The following APPBP2 variants were observed in gnomAD, a reference collection of about 807,000 sequenced individuals.
APPBP2 encodes amyloid protein-binding protein 2.
In APPBP2, 15 loss-of-function variants were observed where a neutral mutation model predicts 76.0. The observed-to-expected ratio is 0.20, with a 90% confidence interval of 0.13 to 0.30. The LOEUF (loss-of-function observed/expected upper bound fraction) is 0.30, where lower values mean the gene tolerates loss of function less well. Among genes scored for constraint, APPBP2 ranks in the 10% least tolerant of loss-of-function variants. APPBP2 has a pLI of 1.00. For missense variants in APPBP2, 401 were observed against 687.2 expected (o/e 0.58, Z 4.66); for synonymous variants, 222 against 242.2 (o/e 0.92, Z 0.77).
chr17:60,454,502 A>G lies in APPBP2; in HGVS notation c.1148-10T>C, dbSNP rs758210513. The G allele has an allele frequency of 3.2e-6, 5 of 1,571,866 alleles. No homozygotes were observed. In the African/African-American group the frequency reaches 5.5e-5, roughly 17 times the overall value. ...TCCTCTAAAATAAGTGCTAAAAAAGAAGGCAATAAATTAGTGTACTTCAAA... is the reference window on the plus strand; with the variant it reads ...TCCTCTAAAATAAGTGCTAAAAAAGGAGGCAATAAATTAGTGTACTTCAAA... On this transcript the variant is annotated splice_polypyrimidine_tract_variant and intron_variant, in intron 10 of 12. Coordinates refer to ENST00000083182, the MANE Select transcript of APPBP2 (RefSeq NM_006380.5).
chr17:60,468,337 A>G (rs182364166), intron 4 of APPBP2: 12 of 152,306 alleles, frequency 7.9e-5, no homozygotes, highest in Admixed American at 2.0e-4. Context: ...GAAAAAAAGG[A>G]TTAGTATTTG....
At chr17:60,513,349 G>A (rs1229360343) in intron 1 of APPBP2, 2 of 613,238 alleles carry the variant, frequency 3.3e-6, no homozygotes, top group Non-Finnish European at 6.0e-6. Flanking sequence ...CCTGAAACTA[G>A]AGGAACAGCT....
intron 1 of APPBP2, among the ~76,000 whole-genome samples, chr17:60,501,123 G>T (rs575313364): frequency 6.6e-6 from 1 of 152,184 alleles, no homozygotes; most frequent in South Asian, 2.1e-4. Flanking sequence ...AGACAGGCCT[G>T]GGCAACATAG....
At chr17:60,512,852 AAAG>A (rs1224936428) in intron 1 of APPBP2, among the ~76,000 whole-genome samples, 62 of 150,494 alleles carry the variant, frequency 4.1e-4, no homozygotes, top group Non-Finnish European at 3.4e-4. Context: ...AAAAAAAAAA[AAAG>A]GAAAGGAAAA....
At chr17:60,512,623 T>G (rs1598374762) in intron 1 of APPBP2, among the ~76,000 whole-genome samples, 1 of 150,344 alleles carries the variant, frequency 6.7e-6, no homozygotes, top group Admixed American at 6.6e-5. Context: ...GATCACGAGG[T>G]CAGAAGTTCA....
At chr17:60,512,832 TAAAAAAA>T (rs770075935) in intron 1 of APPBP2, among the ~76,000 whole-genome samples, 2 of 29,926 alleles carry the variant, frequency 6.7e-5, no homozygotes, top group African/African-American at 1.3e-4. Flanking sequence ...AGACTCCATC[TAAAAAAA>T]AAAAAAAAAA....
At chr17:60,491,569 C>T (rs1391249897) in intron 3 of APPBP2, among the ~76,000 whole-genome samples, 7 of 152,028 alleles carry the variant, frequency 4.6e-5, no homozygotes, top group East Asian at 1.9e-4. Flanking sequence ...CTCAGCCTCC[C>T]GAGTAGCTGA....
intron 10 of APPBP2, 144 bp downstream of exon 10, chr17:60,456,152 G>A (rs753688996): frequency 1.7e-6 from 1 of 596,864 alleles, no homozygotes; most frequent in Non-Finnish European, 2.9e-6. Flanking sequence ...TAGAGTTGTG[G>A]TAAAATGGCT....
chr17:60,456,484 C>A, intron 9 of APPBP2, 103 bp from the exon 10 acceptor site: 2 of 751,072 alleles, frequency 2.7e-6, no homozygotes, highest in Admixed American at 4.7e-5. Flanking sequence ...GAAAGTACTT[C>A]TAAAACTATC....
At chr17:60,489,066 C>A (rs1251340850) in intron 3 of APPBP2, among the ~76,000 whole-genome samples, 2 of 151,510 alleles carry the variant, frequency 1.3e-5, no homozygotes, top group Non-Finnish European at 2.9e-5. Context: ...ACTAAAAATA[C>A]AAAAAATTAG....
At chr17:60,459,338 C>A (rs536114791) in intron 9 of APPBP2, among the ~76,000 whole-genome samples, 1 of 152,222 alleles carries the variant, frequency 6.6e-6, no homozygotes, top group Admixed American at 6.5e-5. Flanking sequence ...GATGCATTAT[C>A]CCTAAACTCA....
chr17:60,460,578 TG>T, intron 9 of APPBP2, 84 bp downstream of exon 9: 29 of 1,296,860 alleles, frequency 2.2e-5, no homozygotes, highest in African/African-American at 3.0e-5. Context: ...CTATTATTAA[TG>T]TAATAATAGT....
chr17:60,518,396 TGTGTAAGA>T (rs2090981410), intron 1 of APPBP2, among the ~76,000 whole-genome samples: 1 of 118,918 alleles, frequency 8.4e-6, no homozygotes, highest in African/African-American at 5.2e-5. Context: ...TGTGTGTGTG[TGTGTAAGA>T]GAGAGAGACA....
At chr17:60,513,366 G>T in intron 1 of APPBP2, 6 of 656,920 alleles carry the variant, frequency 9.1e-6, no homozygotes, top group Non-Finnish European at 1.7e-5. Flanking sequence ...AGCTTATGTG[G>T]TCTATGAAGA....
intron 6 of APPBP2, among the ~76,000 whole-genome samples, 168 bp downstream of exon 6, chr17:60,463,853 G>C (rs572016907): frequency 6.6e-6 from 1 of 152,270 alleles, no homozygotes; most frequent in African/African-American, 2.4e-5. Context: ...GTGTGATATA[G>C]TTTTAGTTAG....
intron 2 of APPBP2, among the ~76,000 whole-genome samples, chr17:60,500,159 T>A (rs540784005): frequency 6.6e-6 from 1 of 151,960 alleles, no homozygotes; most frequent in Non-Finnish European, 1.5e-5. Context: ...CTAAGGCGCC[T>A]ACCACCACGC....
chr17:60,458,232 G>C (rs750906184), intron 9 of APPBP2, among the ~76,000 whole-genome samples: 1 of 152,080 alleles, frequency 6.6e-6, no homozygotes, highest in South Asian at 2.1e-4. Context: ...TCAGGAGATC[G>C]AGACCAGTCT....
In APPBP2 at chr17:60,525,683, C is replaced by T; in HGVS notation, c.138+111G>A. The T allele has an allele frequency of 5.3e-6, 8 of 1,510,924 alleles. No homozygotes were observed. The South Asian group carries it at 1.0e-4, about 19-fold the overall frequency. 93.6% of individuals were successfully genotyped at this position (1,510,924 alleles called of 1,614,324 possible). A position where few individuals can be genotyped will look rare whatever the true frequency, so the allele number is the denominator to read the frequency against. On this transcript the variant is annotated intron_variant, in intron 1 of 12. Coordinates refer to ENST00000083182, the MANE Select transcript of APPBP2 (RefSeq NM_006380.5). Reference sequence around the variant, plus strand: ...ACACCGCACCAGACGTTTCGGGAGGCAAGTCTGCCGGAAGGGGTGAGGGGT... The same window carrying T: ...ACACCGCACCAGACGTTTCGGGAGGTAAGTCTGCCGGAAGGGGTGAGGGGT...
At chr17:60,489,212 ACT>A (rs2090706314) in intron 3 of APPBP2, among the ~76,000 whole-genome samples, 1 of 151,634 alleles carries the variant, frequency 6.6e-6, no homozygotes, top group African/African-American at 2.4e-5. Context: ...ACAGTACAAG[ACT>A]CTGTCTCAAA....
Sources: allele counts gnomAD v4.1 joint callset (sites outside exome capture counted in the v4.1 genomes callset), GRCh38; gene constraint gnomAD v4.1.1; transcripts MANE v1.5; gene names NCBI Gene and HGNC (gene_info 2026-07-23, HGNC 2026-07-21).